The following TTN variants were observed in gnomAD, a reference collection of about 807,000 sequenced individuals.
The protein encoded by TTN is titin.
TTN carries 1,525 observed loss-of-function variants against 3,223.0 expected under a neutral mutation model. The observed-to-expected ratio is 0.47, with a 90% CI of 0.45 to 0.49. The LOEUF (loss-of-function observed/expected upper bound fraction) is 0.49, where lower values mean the gene tolerates loss of function less well. TTN is among the 20% of genes least tolerant of loss of function. The probability of loss-of-function intolerance (pLI) is 0.00; values close to 1 mark genes in which losing one functional copy is unlikely to be tolerated. For missense variants in TTN, 40,786 were observed against 43,424.0 expected, an observed-to-expected ratio of 0.94 and a Z score of 5.40; for synonymous variants, 14,094 against 15,161.0, an observed-to-expected ratio of 0.93 and a Z score of 5.17.
At position 178,634,763 on chromosome 2, in the gene TTN, C is replaced by T. The variant is rs1352996871; in HGVS notation, c.42111G>A (p.Gln14037=). ...TGGCAGTTGTAATTGCATTAAGGGC[C>T]TGGTAGAGGACTTCACCAGCTTGGT... ...KLDQAGEVLY[Q]ALNAITTAIL... is the part of the protein sequence containing the mutation. Residue 14037 remains glutamine, a synonymous_variant, in exon 229 of 363, where the codon CAG becomes CAA. Transcript: ENST00000589042. The surrounding 1 kb of genome is among the most constrained non-coding windows in gnomAD (Gnocchi z 4.6). The T allele has an allele frequency of 5.0e-6, 8 of 1,613,032 alleles. No individual in the cohort carries two copies. Among genetic ancestry groups the T allele is most frequent in the South Asian group, 1.1e-5 (1 of 91,028 alleles).
chr2:178,790,851 G>A lies in TTN; in HGVS notation c.1663-6C>T. On this transcript the variant is annotated splice_region_variant and splice_polypyrimidine_tract_variant and intron_variant, in intron 10 of 362. Transcript: ENST00000589042. ...ATCTCAGTTTCCTGTCTTATCTGAT[G>A]TTTAGAGTAAAATAAAGATTTGAGT... The A allele has an allele frequency of 6.2e-7, 1 of 1,613,906 alleles. No individual in the cohort carries two copies. The highest frequency in any genetic ancestry group is 1.1e-5 in the South Asian group (1 of 91,076).
chr2:178,760,769 G>A (rs1252287947), intron 43 of TTN, among the ~76,000 whole-genome samples: 3 of 151,936 alleles, frequency 2.0e-5, no homozygotes, highest in Non-Finnish European at 2.9e-5. Flanking sequence ...TGGAAGCAAC[G>A]TTGTCTTCAA....
Position 178,568,842 on chromosome 2 carries a change from C to T in TTN, c.77290G>A (p.Gly25764Arg). The T allele has an allele frequency of 1.9e-6, 3 of 1,613,124 alleles. No individual in the cohort carries two copies. The highest frequency in any genetic ancestry group is 1.7e-6 in the Non-Finnish European group (2 of 1,179,554). Reference sequence around the variant, plus strand: ...ACAACTCTAAAAAGATATTCTTCCCCTTGAGTTAGGTTGGTAATTACTGCC... The same window carrying T: ...ACAACTCTAAAAAGATATTCTTCCCTTTGAGTTAGGTTGGTAATTACTGCC... Reference protein sequence around the residue: ...LQAVITNLTQGEEYLFRVVAV... With the variant: ...LQAVITNLTQREEYLFRVVAV... Residue 25764 changes from glycine to arginine, a missense_variant, in exon 326 of 363, where the codon GGG (glycine) becomes AGG (arginine). Gly to Arg is a moderately radical substitution (Grantham distance 125). Transcript: ENST00000589042.
chr2:178,638,814 T>C (rs1382627138), intron 223 of TTN, among the ~76,000 whole-genome samples: 3 of 152,062 alleles, frequency 2.0e-5, no homozygotes, highest in African/African-American at 7.2e-5. Flanking sequence ...ACTCATGGGA[T>C]GCATGTGCAG....
intron 151 of TTN, among the ~76,000 whole-genome samples, chr2:178,673,984 AC>A (rs1260823125): frequency 1.3e-5 from 2 of 151,778 alleles, no homozygotes; most frequent in African/African-American, 4.8e-5. Context: ...GAACACTTTC[AC>A]CAGAGAAATA....
chr2:178,747,397 C>A, intron 47 of TTN: 2 of 1,613,366 alleles, frequency 1.2e-6, no homozygotes, highest in African/African-American at 1.3e-5. Context: ...AGTCAGGGGA[C>A]TTTGGAGATT....
In TTN at chr2:178,562,781, G is replaced by A. The variant is rs140879454; in HGVS notation, c.83351C>T (p.Thr27784Met). The change falls in exon 326 of 363, where the codon ACG (threonine) becomes ATG (methionine). Residue 27784 changes from threonine (T) to methionine (M), a missense_variant. By Grantham distance (81) the Thr-to-Met change is moderately conservative. Coordinates refer to ENST00000589042, the MANE Select transcript of TTN (RefSeq NM_001267550.2). The part of the protein sequence containing the change: ...TIREVKKDSV[T>M]LSWEPPLIDG... ...AATAAGTGGTGGTTCCCAGGACAAC[G>A]TCACTGAGTCTTTCTTCACTTCTCT... The A allele has an allele frequency of 1.4e-5, 22 of 1,613,304 alleles. No homozygotes were observed. The East Asian group carries it at 1.8e-4, about 13-fold the overall frequency.
Position 178,612,826 on chromosome 2 carries a change from C to T in TTN, c.49895G>A (p.Gly16632Glu), listed in dbSNP as rs1385134707. The T allele has an allele frequency of 6.2e-7, 1 of 1,612,440 alleles. No individual in the cohort carries two copies. Among genetic ancestry groups the T allele is most frequent in the South Asian group, 1.1e-5 (1 of 91,006 alleles). Residue 16632 changes from glycine (G) to glutamate (E), a missense_variant, in exon 265 of 363, where the codon GGG becomes GAG. Coordinates refer to ENST00000589042, the MANE Select transcript of TTN (RefSeq NM_001267550.2). Reference sequence around the variant, plus strand: ...ACTGGGTTCACTGGGTTCACTTTCCCCAGCCTTATTCACAGCTCTAACTCG... The same window carrying T: ...ACTGGGTTCACTGGGTTCACTTTCCTCAGCCTTATTCACAGCTCTAACTCG... ...SFRVRAVNKA[G>E]ESEPSEPSDP...
chr2:178,622,862 AG>A, intron 242 of TTN, 95 bp from the exon 243 acceptor site: 1 of 971,090 alleles, frequency 1.0e-6, no homozygotes, highest in South Asian at 1.5e-5. Context: ...ACTCTTTTTT[AG>A]GGATTTTCCA....
rs397517494 is a variant in TTN at position 178,727,105 on chromosome 2, T to C, written c.20260A>G (p.Lys6754Glu). Residue 6754 changes from lysine (K) to glutamate (E), a missense_variant, in exon 69 of 363, where the codon AAG becomes GAG. Lys to Glu is a moderately conservative substitution (Grantham distance 56). Coordinates refer to ENST00000589042, the MANE Select transcript of TTN (RefSeq NM_001267550.2). ...NPAGSTSCST[K>E]VIVKEPPVFS... ...AGATGTCTACCTTTTACTATAACCTTGGTACTGCAGCTTGTGCTGCCAGCG... is the reference window on the plus strand; with the variant it reads ...AGATGTCTACCTTTTACTATAACCTCGGTACTGCAGCTTGTGCTGCCAGCG... 4.4e-6 allele frequency: 7 copies of C among 1,575,212 alleles called. No homozygotes were observed. Among genetic ancestry groups the C allele is most frequent in the Non-Finnish European group, 6.0e-6 (7 of 1,158,044 alleles).
At position 178,579,759 on chromosome 2, in the gene TTN, C is replaced by T. The variant is rs778919674; in HGVS notation, c.67438G>A (p.Gly22480Arg). ...IGWKKPHSDG[G>R]SRIIGYVVDF... is the part of the protein sequence containing the mutation. ...ACTACATATCCAATAATCCGACTTC[C>T]ACCATCACTGTGAGGCTTTTTCCAG... The change falls in exon 319 of 363, where the codon GGA (glycine) becomes AGA (arginine). Residue 22480 changes from glycine to arginine, a missense_variant. Coordinates refer to ENST00000589042, the MANE Select transcript of TTN (RefSeq NM_001267550.2). 6.2e-7 allele frequency: 1 copy of T among 1,613,308 alleles called. No homozygotes were observed. The highest frequency in any genetic ancestry group is 8.5e-7 in the Non-Finnish European group (1 of 1,179,516).
chr2:178,780,627 C>A (rs2092680876), intron 21 of TTN, among the ~76,000 whole-genome samples: 1 of 152,182 alleles, frequency 6.6e-6, no homozygotes. Context: ...AACAGTCTAG[C>A]ATGAAAGCTG....
At position 178,587,906 on chromosome 2, in the gene TTN, T is replaced by C. The variant is rs1320961781; in HGVS notation, c.63501A>G (p.Glu21167=). 1 of 1,590,082 alleles carries C rather than the reference T, an allele frequency of 6.3e-7. No homozygotes were observed. The highest frequency in any genetic ancestry group is 1.3e-5 in the African/African-American group (1 of 74,354). Residue 21167 remains glutamate (E), a synonymous_variant, in exon 305 of 363, where the codon GAA becomes GAG. Coordinates refer to ENST00000589042, the MANE Select transcript of TTN (RefSeq NM_001267550.2). ...GCTAAGGGAAGGACTTACCTAGTAT[T>C]TCTTTAGGTTTGATAGCTTCCTTTA... ...AELKEAIKPK[E]ILEPPEIDLD... is the part of the protein sequence containing the mutation.
rs757198030 is a variant in TTN, at chr2:178,567,738, C to A, written c.78394G>T (p.Asp26132Tyr). 1 of 1,612,796 alleles carries A rather than the reference C, an allele frequency of 6.2e-7. No homozygotes were observed. Residue 26132 changes from aspartate to tyrosine, a missense_variant, in exon 326 of 363, where the codon GAT becomes TAT. Coordinates refer to ENST00000589042, the MANE Select transcript of TTN (RefSeq NM_001267550.2). ...AAGCTAGCTTTCATCCAACGACCAT[C>A]AGGCAAATCACGTTTCTCTACAATG... The part of the protein sequence containing the change: ...GYIVEKRDLP[D>Y]GRWMKASFTN...
At chr2:178,787,788 T>C (rs1267755470) in intron 13 of TTN, among the ~76,000 whole-genome samples, 1 of 152,086 alleles carries the variant, frequency 6.6e-6, no homozygotes, top group Non-Finnish European at 1.5e-5. Context: ...TTATTGTATA[T>C]CAGATTTATA....
At position 178,534,580 on chromosome 2, in the gene TTN, A is replaced by C; in HGVS notation, c.102035T>G (p.Ile34012Ser). ...GTLVYVLLSGINPFLAETNQQ... is the reference protein window; with the variant it reads ...GTLVYVLLSGSNPFLAETNQQ... ...GTTAGTTTCAGCCAGGAATGGGTTG[A>C]TACCACTCAATAGCACATATACCAG... Residue 34012 changes from isoleucine to serine, a missense_variant, in exon 358 of 363, where the codon ATC becomes AGC. By Grantham distance (142) the Ile-to-Ser change is moderately radical. Transcript: ENST00000589042. The C allele has an allele frequency of 3.7e-6, 6 of 1,613,922 alleles. No individual in the cohort carries two copies. The highest frequency in any genetic ancestry group is 5.1e-6 in the Non-Finnish European group (6 of 1,179,810).
In TTN at chr2:178,545,697, T is replaced by A. The variant is rs769419531; in HGVS notation, c.95417-4A>T. 15 of 1,609,890 alleles carry A rather than the reference T, an allele frequency of 9.3e-6. No homozygotes were observed. Among genetic ancestry groups the A allele is most frequent in the Non-Finnish European group, 1.2e-5 (14 of 1,177,008 alleles). ...ATGCCGGGTGGTGATGGAATAGCTG[T>A]TTATGAAAATAAGGATGATGAGAAT... On this transcript the variant is annotated splice_region_variant and splice_polypyrimidine_tract_variant and intron_variant, in intron 343 of 362. Coordinates refer to ENST00000589042, the MANE Select transcript of TTN (RefSeq NM_001267550.2).
chr2:178,694,103 A>G, intron 117 of TTN, 95 bp from the exon 118 acceptor site: 1 of 912,666 alleles, frequency 1.1e-6, no homozygotes, highest in Non-Finnish European at 1.7e-6. Flanking sequence ...TTAGACACAG[A>G]ATGAGTGGGT....
In TTN at chr2:178,621,527, G is replaced by A. The variant is rs746107267; in HGVS notation, c.45297C>T (p.Asn15099=). ...GAGAGCTTGGGAGTCGACAGTTGTA[G>A]TTGCCAGCATCCTCAAGGTGAGCGT... ...IQNAHLEDAG[N]YNCRLPSSRT... Residue 15099 remains asparagine (N), a synonymous_variant, in exon 245 of 363, where the codon AAC becomes AAT. Coordinates refer to ENST00000589042, the MANE Select transcript of TTN (RefSeq NM_001267550.2). The A allele has an allele frequency of 1.9e-6, 3 of 1,612,412 alleles. No individual in the cohort carries two copies. The highest frequency in any genetic ancestry group is 1.1e-5 in the South Asian group (1 of 91,052).
Sources: allele counts gnomAD v4.1 joint callset (sites outside exome capture counted in the v4.1 genomes callset), GRCh38; gene constraint gnomAD v4.1.1; non-coding constraint Gnocchi (gnomAD v3.1); transcripts MANE v1.5; gene names NCBI Gene and HGNC (gene_info 2026-07-23, HGNC 2026-07-21).